CCDC57: variants seen among roughly 807,000 people sequenced by gnomAD.
The protein encoded by CCDC57 is coiled-coil domain-containing protein 57.
CCDC57 carries 118 observed loss-of-function variants against 118.9 expected under a neutral mutation model. The ratio of observed to expected loss-of-function variants is 0.99; its 90% confidence interval spans 0.86 to 1.16. The LOEUF is 1.16. Ranked by LOEUF, CCDC57 falls within the 50% of genes most tolerant of loss-of-function variation. The probability of loss-of-function intolerance (pLI) is 0.00; values close to 1 mark genes in which losing one functional copy is unlikely to be tolerated. For synonymous variants in CCDC57, 527 were observed against 532.9 expected (o/e 0.99, Z 0.15); for missense variants, 1,300 against 1,320.7 (o/e 0.98, Z 0.24).
intron 19 of CCDC57, among the ~76,000 whole-genome samples, chr17:82,110,362 C>T (rs764031424): frequency 5.3e-5 from 8 of 152,146 alleles, no homozygotes; most frequent in Non-Finnish European, 1.0e-4. Context: ...CAAAACATGT[C>T]AAGTACTGAC....
chr17:82,180,273 G>A (rs941729544), intron 9 of CCDC57, among the ~76,000 whole-genome samples: 18 of 152,176 alleles, frequency 1.2e-4, no homozygotes, highest in African/African-American at 4.1e-4. Flanking sequence ...ACAGCTGGGT[G>A]AGTCTGGAAG....
intron 13 of CCDC57, 72 bp from the exon 13 acceptor site, chr17:82,163,429 C>A (rs1021937591): frequency 6.4e-7 from 1 of 1,550,974 alleles, no homozygotes; most frequent in African/African-American, 1.4e-5. Context: ...AGACACACAT[C>A]TCTATCAGCT....
At chr17:82,108,397 C>G (rs946789865) in intron 19 of CCDC57, among the ~76,000 whole-genome samples, 4 of 152,198 alleles carry the variant, frequency 2.6e-5, no homozygotes, top group South Asian at 2.1e-4. Context: ...GCCCTGGTCA[C>G]AGACTGGGCA....
chr17:82,182,947 A>C (rs532322755), intron 9 of CCDC57, among the ~76,000 whole-genome samples: 3 of 152,196 alleles, frequency 2.0e-5, no homozygotes, highest in Non-Finnish European at 2.9e-5. Flanking sequence ...TGGCCTCCCA[A>C]AGTGCTGGGA....
chr17:82,157,501 T>C, intron 15 of CCDC57: 1 of 1,422,132 alleles, frequency 7.0e-7, no homozygotes, highest in Non-Finnish European at 9.2e-7. Context: ...GATGGGCCCG[T>C]CCCGCCCCCC....
At chr17:82,178,425 C>T (rs965151814) in intron 11 of CCDC57, 49 bp downstream of exon 10, 2 of 1,538,240 alleles carry the variant, frequency 1.3e-6, no homozygotes, top group Non-Finnish European at 1.8e-6. Context: ...CCTATTTTCC[C>T]ACCGCTGCTG....
intron 16 of CCDC57, among the ~76,000 whole-genome samples, chr17:82,137,899 C>A (rs529118448): frequency 1.3e-5 from 2 of 151,678 alleles, no homozygotes; most frequent in East Asian, 3.9e-4. Flanking sequence ...GTCTTGATCT[C>A]TTGACCTCGT....
At position 82,161,151 on chromosome 17, in the gene CCDC57, C is replaced by T. The variant is rs7502173; in HGVS notation, c.2040+2049G>A. On this transcript the variant is annotated intron_variant, in intron 14 of 19. Coordinates refer to ENST00000665763, the Ensembl canonical transcript of CCDC57. ...AGGAAAATGCAAATCAAAACCACAGCGAGGCCCCACTTCACTCCCACCAGG... is the reference window on the plus strand; with the variant it reads ...AGGAAAATGCAAATCAAAACCACAGTGAGGCCCCACTTCACTCCCACCAGG... Among the ~76,000 whole-genome samples the T allele has an allele frequency of 8.1e-3, 1,228 of 152,226 alleles. 17 individuals carry two copies. The highest frequency in any genetic ancestry group is 0.051 in the South Asian group (244 of 4,826).
chr17:82,178,447 T>C (rs879060174), intron 11 of CCDC57, 27 bp downstream of exon 10: 2 of 1,570,940 alleles, frequency 1.3e-6, no homozygotes, highest in South Asian at 2.3e-5. Flanking sequence ...TGAGCAAAGT[T>C]TCAAAGAGCC....
At chr17:82,171,586 C>T (rs1019734195) in intron 13 of CCDC57, 115 bp downstream of exon 12, 45 of 1,142,476 alleles carry the variant, frequency 3.9e-5, no homozygotes, top group African/African-American at 6.2e-5. Context: ...TGGATGACGC[C>T]GCCCCAACGT....
At chr17:82,210,420 C>T (rs1234398649) in intron 1 of CCDC57, among the ~76,000 whole-genome samples, 2 of 152,038 alleles carry the variant, frequency 1.3e-5, no homozygotes, top group East Asian at 3.9e-4. Context: ...GCCTGTAATC[C>T]CAGCACTTTC....
rs1429170797 is a variant in CCDC57 at position 82,127,911 on chromosome 17, A to G, written c.2683-3T>C. 1 of 1,611,574 alleles carries G rather than the reference A, an allele frequency of 6.2e-7. No individual in the cohort carries two copies. The highest frequency in any genetic ancestry group is 2.2e-5 in the East Asian group (1 of 44,838). On this transcript the variant is annotated splice_polypyrimidine_tract_variant and splice_region_variant and intron_variant, in intron 18 of 19. Transcript: ENST00000665763. ...ACCGTGTGGATGCTGTGTTGTGTCT[A>G]GAAAAGACATCATCGTCTTGAAAGC... is the stretch of plus-strand genomic sequence containing the variant.
intron 11 of CCDC57, among the ~76,000 whole-genome samples, chr17:82,174,056 T>C: frequency 6.6e-6 from 1 of 152,260 alleles, no homozygotes; most frequent in East Asian, 1.9e-4. Flanking sequence ...TCCCAGGGTC[T>C]GGCCCAACTC....
At chr17:82,161,785 C>A (rs755188959) in intron 14 of CCDC57, among the ~76,000 whole-genome samples, 1 of 152,084 alleles carries the variant, frequency 6.6e-6, no homozygotes, top group Non-Finnish European at 1.5e-5. Context: ...GAGCTTCTAT[C>A]TGGGGTGGGG....
At chr17:82,151,867 T>C in intron 15 of CCDC57, 94 bp from the exon 15 acceptor site, 4 of 1,089,592 alleles carry the variant, frequency 3.7e-6, no homozygotes, top group Non-Finnish European at 5.2e-6. Flanking sequence ...CACCTGCTCT[T>C]CCAGGGTGGG....
At chr17:82,126,514 G>C in intron 19 of CCDC57, 3 of 980,162 alleles carry the variant, frequency 3.1e-6, no homozygotes, top group Non-Finnish European at 3.6e-6. Flanking sequence ...GGTAACTGAA[G>C]AACAGGGAAA....
At chr17:82,184,445 T>C (rs12951976) in intron 8 of CCDC57, among the ~76,000 whole-genome samples, 116,564 of 152,208 alleles carry the variant, frequency 0.77, 44,840 homozygotes, top group East Asian at 0.95. Context: ...AACAGCAGGA[T>C]GCCTCTGGGA....
intron 14 of CCDC57, among the ~76,000 whole-genome samples, chr17:82,158,835 C>T (rs1271881805): frequency 6.7e-6 from 1 of 149,278 alleles, no homozygotes; most frequent in Admixed American, 6.7e-5. Context: ...TGGGATTACA[C>T]GTGTGAGCCA....
chr17:82,121,673 C>G (rs1324196849), intron 19 of CCDC57, among the ~76,000 whole-genome samples: 1 of 152,196 alleles, frequency 6.6e-6, no homozygotes, highest in African/African-American at 2.4e-5. Context: ...ACCTGAGGCC[C>G]GTTGACCTGG....
Sources: gnomAD v4.1 joint callset for allele counts (sites outside exome capture counted in the v4.1 genomes callset) on GRCh38, gnomAD v4.1.1 for gene constraint, MANE v1.5 for transcripts, NCBI Gene and HGNC (gene_info 2026-07-23, HGNC 2026-07-21) for gene names.